The following TTC13 variants were observed in gnomAD, a reference collection of about 807,000 sequenced individuals.
TTC13 encodes the protein tetratricopeptide repeat protein 13.
TTC13 carries 62 observed loss-of-function variants against 120.0 expected under a neutral mutation model. The ratio of observed to expected loss-of-function variants is 0.52; its 90% CI spans 0.42 to 0.64. The LOEUF is 0.64. Among genes scored for constraint, TTC13 ranks in the 30% least tolerant of loss-of-function variants. The pLI is 0.00. For missense variants in TTC13, 824 were observed against 1,050.2 expected (o/e 0.78, Z 2.98); for synonymous variants, 384 against 393.5 (o/e 0.98, Z 0.28).
chr1:230,935,095 T>C (rs947818042), intron 8 of TTC13, among the ~76,000 whole-genome samples: 2 of 152,198 alleles, frequency 1.3e-5, no homozygotes, highest in African/African-American at 4.8e-5. Context: ...GGTAGAGAGA[T>C]GAGAATGGAT....
intron 17 of TTC13, among the ~76,000 whole-genome samples, chr1:230,918,795 G>A (rs923378372): frequency 7.2e-5 from 11 of 152,154 alleles, no homozygotes; most frequent in African/African-American, 2.7e-4. Flanking sequence ...TTCATGACAT[G>A]CTACTTCCTT....
At chr1:230,956,740 G>A (rs373185191) in intron 3 of TTC13, among the ~76,000 whole-genome samples, 3 of 151,970 alleles carry the variant, frequency 2.0e-5, no homozygotes, top group East Asian at 1.9e-4. Flanking sequence ...TGAAAAAAAC[G>A]CAGAAGTATC....
chr1:230,913,463 G>A (rs1290610504), intron 18 of TTC13, among the ~76,000 whole-genome samples: 5 of 152,108 alleles, frequency 3.3e-5, no homozygotes, highest in African/African-American at 1.2e-4. Flanking sequence ...GGGCTCAAGT[G>A]ATCTTCCCGC....
intron 1 of TTC13, among the ~76,000 whole-genome samples, chr1:230,964,200 G>A (rs1201714078): frequency 9.9e-5 from 15 of 152,134 alleles, no homozygotes; most frequent in Non-Finnish European, 4.4e-5. Context: ...TACTTAGGAT[G>A]TCCCTACTTT....
intron 8 of TTC13, among the ~76,000 whole-genome samples, chr1:230,938,453 G>A (rs192534660): frequency 6.6e-6 from 1 of 152,300 alleles, no homozygotes; most frequent in Non-Finnish European, 1.5e-5. Flanking sequence ...GGAATCGAGT[G>A]CCCAGGCAGG....
chr1:230,957,002 T>C (rs1211550538), intron 3 of TTC13, among the ~76,000 whole-genome samples: 4 of 152,178 alleles, frequency 2.6e-5, no homozygotes, highest in Non-Finnish European at 5.9e-5. Flanking sequence ...CAGGGTCTAC[T>C]AGGATTATTC....
intron 1 of TTC13, among the ~76,000 whole-genome samples, chr1:230,967,311 C>G (rs1003607789): frequency 6.6e-6 from 1 of 152,092 alleles, no homozygotes; most frequent in Non-Finnish European, 1.5e-5. Context: ...TTTCACCTAA[C>G]ATTTATCAAC....
intron 17 of TTC13, among the ~76,000 whole-genome samples, chr1:230,919,449 C>T (rs1032406381): frequency 6.6e-6 from 1 of 152,174 alleles, no homozygotes; most frequent in African/African-American, 2.4e-5. Flanking sequence ...CCATTAAACA[C>T]TTCCTGTTAG....
chr1:230,927,781 T>A (rs182468371), intron 12 of TTC13, among the ~76,000 whole-genome samples: 12 of 152,340 alleles, frequency 7.9e-5, no homozygotes, highest in Admixed American at 2.0e-4. Flanking sequence ...GTCATAAACA[T>A]CTTCATTTAT....
chr1:230,911,904 C>T (rs553106670), intron 19 of TTC13, among the ~76,000 whole-genome samples: 221 of 152,270 alleles, frequency 1.5e-3, no homozygotes, highest in Non-Finnish European at 2.7e-3. Context: ...CAACATGTAC[C>T]TTACCCCAAA....
intron 12 of TTC13, 137 bp downstream of exon 12, chr1:230,928,800 T>C (rs1343674): frequency 0.88 from 676,503 of 769,898 alleles, 297,892 homozygotes; most frequent in East Asian, 0.99. Context: ...ACAAGGATAG[T>C]ATGCTTGATT....
chr1:230,928,818 T>G, intron 12 of TTC13, 119 bp downstream of exon 12: 1 of 952,558 alleles, frequency 1.0e-6, no homozygotes, highest in Non-Finnish European at 1.5e-6. Flanking sequence ...ATTGAACTCC[T>G]GGCCCCAGGC....
intron 12 of TTC13, among the ~76,000 whole-genome samples, chr1:230,927,612 A>C (rs1673154765): frequency 6.6e-6 from 1 of 152,156 alleles, no homozygotes; most frequent in South Asian, 2.1e-4. Flanking sequence ...GTCAGTTATT[A>C]AATTTCCAAG....
At position 230,945,464 on chromosome 1, in the gene TTC13, C is replaced by T. The variant is rs375945636; in HGVS notation, c.514-10G>A. 6.2e-7 allele frequency: 1 copy of T among 1,613,788 alleles called. No homozygotes were observed. The highest frequency in any genetic ancestry group is 8.5e-7 in the Non-Finnish European group (1 of 1,179,716). On this transcript the variant is annotated splice_polypyrimidine_tract_variant and intron_variant, in intron 4 of 22. Transcript: ENST00000366661. ...CCAGATCAGGCTCCTCCTAGTCAGACCAAAACAAAAACACGTCAAAAACCA... is the reference window on the plus strand; with the variant it reads ...CCAGATCAGGCTCCTCCTAGTCAGATCAAAACAAAAACACGTCAAAAACCA...
intron 4 of TTC13, among the ~76,000 whole-genome samples, chr1:230,949,564 A>G (rs1040291572): frequency 4.0e-5 from 6 of 151,156 alleles, no homozygotes; most frequent in Non-Finnish European, 8.8e-5. Flanking sequence ...CCATGGTCTC[A>G]TCATTACTAC....
At chr1:230,920,670 A>G in intron 16 of TTC13, 76 bp from the exon 17 acceptor site, 1 of 900,916 alleles carries the variant, frequency 1.1e-6, no homozygotes. Flanking sequence ...ATTATCTTTA[A>G]TTTAAATAAA....
chr1:230,924,762 T>C (rs1030136688), intron 14 of TTC13, 79 bp downstream of exon 14: 13 of 1,543,162 alleles, frequency 8.4e-6, no homozygotes, highest in African/African-American at 2.7e-5. Flanking sequence ...ACAGGGTTCA[T>C]AGCCTGTTAG....
At position 230,921,609 on chromosome 1, in the gene TTC13, T is replaced by C. The variant is rs1572194133; in HGVS notation, c.1815-105A>G. 1.1e-5 allele frequency: 7 copies of C among 640,076 alleles called. No homozygotes were observed. In the East Asian group the frequency reaches 2.6e-4, roughly 24 times the overall value. The allele number at this position is 640,076 out of a possible 1,614,324, so 39.6% of individuals were successfully genotyped here. ...TTAAAAAAATAAGAAACTATGAGAA[T>C]AATGTAGAAAAAAAAAGTCTGGGAA... On this transcript the variant is annotated intron_variant, in intron 15 of 22. Coordinates refer to ENST00000366661, the MANE Select transcript of TTC13 (RefSeq NM_024525.5).
At chr1:230,939,242 CT>C in intron 8 of TTC13, 143 bp downstream of exon 8, 1 of 474,962 alleles carries the variant, frequency 2.1e-6, no homozygotes, top group Middle Eastern at 2.9e-4. Context: ...GATCCTTTCC[CT>C]TTCTGTATCT....
Sources: gnomAD v4.1 joint callset for allele counts (sites outside exome capture counted in the v4.1 genomes callset) on GRCh38, gnomAD v4.1.1 for gene constraint, MANE v1.5 for transcripts, NCBI Gene and HGNC (gene_info 2026-07-23, HGNC 2026-07-21) for gene names.